NFIA: variants seen among roughly 807,000 people sequenced by gnomAD.
NFIA encodes the protein nuclear factor 1 A-type.
Under a neutral mutation model 62.8 loss-of-function variants are expected in NFIA, and 8 were observed. The observed-to-expected ratio is 0.13, with a 90% confidence interval of 0.07 to 0.23. The LOEUF (loss-of-function observed/expected upper bound fraction) is 0.23. Ranked by LOEUF, NFIA falls within the 10% of genes least tolerant of loss-of-function variation. NFIA has a pLI of 1.00. For synonymous variants in NFIA, 235 were observed against 238.1 expected (o/e 0.99, Z 0.12); for missense variants, 410 against 642.1 (o/e 0.64, Z 3.91).
chr1:61,136,241 C>T (rs894206873), intron 2 of NFIA, among the ~76,000 whole-genome samples: 4 of 152,154 alleles, frequency 2.6e-5, no homozygotes, highest in Admixed American at 2.0e-4. Flanking sequence ...CATTCCGTGA[C>T]CTTAATAAAG....
At chr1:61,342,063 A>G (rs1661950275) in intron 4 of NFIA, among the ~76,000 whole-genome samples, 1 of 152,160 alleles carries the variant, frequency 6.6e-6, no homozygotes, top group Non-Finnish European at 1.5e-5. Flanking sequence ...CAGCAAAACC[A>G]CACATAGGTC....
chr1:61,437,553 G>A (rs977854893), intron 10 of NFIA, among the ~76,000 whole-genome samples: 7 of 152,160 alleles, frequency 4.6e-5, no homozygotes, highest in African/African-American at 1.7e-4. Flanking sequence ...ACCATACTAA[G>A]CTGGAAGGGA....
chr1:61,450,279 AC>A (rs1412423748), intron 10 of NFIA, among the ~76,000 whole-genome samples: 1 of 152,174 alleles, frequency 6.6e-6, no homozygotes, highest in African/African-American at 2.4e-5. Context: ...AATGTGAGAA[AC>A]TCAGAGTCCA....
intron 9 of NFIA, among the ~76,000 whole-genome samples, chr1:61,420,145 A>G (rs1323583656): frequency 6.6e-6 from 1 of 152,190 alleles, no homozygotes; most frequent in Non-Finnish European, 1.5e-5. Context: ...CTAGCTATCT[A>G]ATAATATTAC....
At chr1:61,428,473 T>C (rs926507183) in intron 10 of NFIA, among the ~76,000 whole-genome samples, 1 of 151,506 alleles carries the variant, frequency 6.6e-6, no homozygotes, top group Non-Finnish European at 1.5e-5. Flanking sequence ...ACCTGCCACA[T>C]TTGGCTTGAA....
intron 3 of NFIA, among the ~76,000 whole-genome samples, chr1:61,286,048 T>C (rs1343608160): frequency 6.6e-6 from 1 of 152,104 alleles, no homozygotes; most frequent in Non-Finnish European, 1.5e-5. Context: ...ACACTGAGCG[T>C]CTGTTAAGGG....
At chr1:61,086,808 T>C (rs905893659) in intron 1 of NFIA, among the ~76,000 whole-genome samples, 1 of 152,198 alleles carries the variant, frequency 6.6e-6, no homozygotes, top group East Asian at 1.9e-4. Context: ...TTCTGGACAT[T>C]ACTGCTACCT....
intron 2 of NFIA, among the ~76,000 whole-genome samples, chr1:61,108,184 G>T (rs565205995): frequency 8.1e-4 from 122 of 151,458 alleles, no homozygotes; most frequent in African/African-American, 2.7e-3. Context: ...ACATCCTATT[G>T]GGACTTTGTT....
chr1:61,158,405 A>G (rs566621396), intron 2 of NFIA, among the ~76,000 whole-genome samples: 2 of 152,318 alleles, frequency 1.3e-5, no homozygotes, highest in African/African-American at 2.4e-5. Context: ...TTTACTAATC[A>G]TGCATTTGTA....
At chr1:61,177,285 G>GA (rs1052097990) in intron 2 of NFIA, among the ~76,000 whole-genome samples, 4 of 152,102 alleles carry the variant, frequency 2.6e-5, no homozygotes, top group Non-Finnish European at 4.4e-5. Context: ...CTCTATTTAT[G>GA]AAAAAACGCA....
chr1:61,150,026 G>C (rs1037930167), intron 2 of NFIA, among the ~76,000 whole-genome samples: 1 of 152,078 alleles, frequency 6.6e-6, no homozygotes, highest in Admixed American at 6.5e-5. Context: ...ATTCAGACTG[G>C]TTTAAGAAGG....
At chr1:61,185,660 C>T (rs1052844667) in intron 2 of NFIA, among the ~76,000 whole-genome samples, 29 of 143,130 alleles carry the variant, frequency 2.0e-4, no homozygotes, top group African/African-American at 6.1e-4. Flanking sequence ...TTTTTTTAAC[C>T]GTGACTCCTT....
At chr1:61,279,206 G>T (rs1378791868) in intron 3 of NFIA, among the ~76,000 whole-genome samples, 4 of 152,122 alleles carry the variant, frequency 2.6e-5, no homozygotes, top group African/African-American at 9.7e-5. Flanking sequence ...GTATTGTGGG[G>T]TGAAGGATCA....
chr1:61,187,509 G>A (rs1357528426), intron 2 of NFIA, among the ~76,000 whole-genome samples: 2 of 152,084 alleles, frequency 1.3e-5, no homozygotes, highest in Admixed American at 6.5e-5. Flanking sequence ...GAGCGGTGGT[G>A]GTGGCATGGA....
chr1:61,126,137 A>G (rs917551654), intron 2 of NFIA, among the ~76,000 whole-genome samples: 3 of 152,178 alleles, frequency 2.0e-5, no homozygotes, highest in Admixed American at 6.5e-5. Flanking sequence ...CTTGAGGCAA[A>G]TCTGAAATTA....
intron 2 of NFIA, among the ~76,000 whole-genome samples, chr1:61,215,443 T>G (rs1182346452): frequency 6.6e-6 from 1 of 151,882 alleles, no homozygotes; most frequent in South Asian, 2.1e-4. Context: ...GGAGATATTA[T>G]TAGATATGTT....
At chr1:61,245,240 T>G (rs1655570388) in intron 2 of NFIA, among the ~76,000 whole-genome samples, 1 of 152,188 alleles carries the variant, frequency 6.6e-6, no homozygotes. Context: ...GTATGCAGAA[T>G]TAAATTGAGG....
chr1:61,328,728 T>C (rs1485195268), intron 3 of NFIA, among the ~76,000 whole-genome samples: 1 of 141,812 alleles, frequency 7.1e-6, no homozygotes, highest in African/African-American at 2.7e-5. Flanking sequence ...CTATAATTTT[T>C]TTTTTTTTTT....
At chr1:61,127,508 C>G (rs1054038683) in intron 2 of NFIA, among the ~76,000 whole-genome samples, 2 of 151,916 alleles carry the variant, frequency 1.3e-5, no homozygotes, top group Non-Finnish European at 2.9e-5. Context: ...AGAACTTACT[C>G]CCGAATGAAT....
Sources: gnomAD v4.1 joint callset for allele counts (sites outside exome capture counted in the v4.1 genomes callset) on GRCh38, gnomAD v4.1.1 for gene constraint, MANE v1.5 for transcripts, NCBI Gene and HGNC (gene_info 2026-07-23, HGNC 2026-07-21) for gene names.